The following SS18 variants were observed in gnomAD, a reference collection of about 807,000 sequenced individuals.
SS18 encodes protein SSXT.
SS18 carries 28 observed loss-of-function variants against 72.5 expected under a neutral mutation model. The ratio of observed to expected loss-of-function variants is 0.39; its 90% CI spans 0.29 to 0.53. SS18 has a LOEUF of 0.53. Among genes scored for constraint, SS18 ranks in the 20% least tolerant of loss-of-function variants. The pLI is 0.76. For missense variants in SS18, 518 were observed against 535.3 expected (o/e 0.97, Z 0.32); for synonymous variants, 172 against 164.2 (o/e 1.05, Z -0.37).
intron 10 of SS18, among the ~76,000 whole-genome samples, chr18:26,025,175 A>G (rs1681371450): frequency 1.3e-5 from 2 of 152,168 alleles, no homozygotes; most frequent in African/African-American, 4.8e-5. Flanking sequence ...AAAGAAATAA[A>G]AAGTGAAACC....
In SS18 at chr18:26,016,646, C is replaced by T. The variant is rs1303544101; in HGVS notation, c.*1708G>A. 5.3e-6 allele frequency: 1 copy of T among 187,486 alleles called. No homozygotes were observed. Among genetic ancestry groups the T allele is most frequent in the African/African-American group, 2.3e-5 (1 of 42,708 alleles). The allele number at this position is 187,486 out of a possible 1,614,324, so 11.6% of individuals were successfully genotyped here. A position where few individuals can be genotyped will look rare whatever the true frequency, so the allele number is the denominator to read the frequency against. On this transcript the variant is annotated 3_prime_UTR_variant, in exon 11 of 11. Transcript: ENST00000415083. ...GCTGAGGCAGGAGAACTGCTTGAAC[C>T]TGGGAGGCGGAGGTTGCAGTGAGCT...
intron 10 of SS18, among the ~76,000 whole-genome samples, chr18:26,023,423 C>G (rs114113011): frequency 6.6e-6 from 1 of 152,034 alleles, no homozygotes; most frequent in African/African-American, 2.4e-5. Flanking sequence ...CATCAAATTG[C>G]TCAAAACAAT....
At chr18:26,090,444 G>C (rs2054702887) in intron 1 of SS18, 57 bp downstream of exon 1, 1 of 1,514,324 alleles carries the variant, frequency 6.6e-7, no homozygotes, top group Admixed American at 2.0e-5. Context: ...TTCCCCCCGC[G>C]TCTGTCTCTC....
chr18:26,069,236 G>A (rs2054271285), intron 3 of SS18, among the ~76,000 whole-genome samples: 1 of 151,940 alleles, frequency 6.6e-6, no homozygotes, highest in Non-Finnish European at 1.5e-5. Context: ...TGGACACCAT[G>A]AACTGTTTTA....
chr18:26,088,110 A>C (rs1467130782), intron 1 of SS18, among the ~76,000 whole-genome samples: 4 of 152,210 alleles, frequency 2.6e-5, no homozygotes, highest in Non-Finnish European at 5.9e-5. Context: ...TATCGTGTTT[A>C]ATCAATAATG....
intron 5 of SS18, among the ~76,000 whole-genome samples, chr18:26,044,044 T>G (rs2053776179): frequency 1.3e-5 from 2 of 152,194 alleles, no homozygotes; most frequent in Non-Finnish European, 2.9e-5. Context: ...GTTTTGTCCC[T>G]CAGGGGACAC....
intron 5 of SS18, among the ~76,000 whole-genome samples, chr18:26,052,287 TTAA>T (rs1188764637): frequency 1.3e-5 from 2 of 152,226 alleles, no homozygotes; most frequent in Admixed American, 6.5e-5. Context: ...TAATACATCC[TTAA>T]TAAGTAAAAT....
intron 3 of SS18, among the ~76,000 whole-genome samples, chr18:26,060,770 C>CAAAAAAAAAA: frequency 1.7e-4 from 1 of 5,734 alleles, no homozygotes; most frequent in Non-Finnish European, 6.3e-4. Context: ...ACTAAAAATA[C>CAAAAAAAAAA]CAAAAAAAAA....
At position 26,070,728 on chromosome 18, in the gene SS18, G is replaced by GA. The variant is rs559807901; in HGVS notation, c.231+7347dup. Among the ~76,000 whole-genome samples, 371 of 152,198 alleles carry GA rather than the reference G, an allele frequency of 2.4e-3. 3 individuals are homozygous for GA. The highest frequency in any genetic ancestry group is 8.2e-3 in the African/African-American group (342 of 41,544). ...TAATTCTTCTCTTGAGATGACATGG[G>GA]AAAAAACTGAAAGTTAAACTTATAT... is the stretch of plus-strand genomic sequence containing the variant. On this transcript the variant is annotated intron_variant, in intron 3 of 10. Coordinates refer to ENST00000415083, the MANE Select transcript of SS18 (RefSeq NM_001007559.3).
Position 26,052,842 on chromosome 18 carries a change from G to C in SS18, c.389C>G (p.Pro130Arg). Residue 130 changes from proline (P) to arginine (R), a missense_variant, in exon 5 of 11, where the codon CCT (proline) becomes CGT (arginine). Pro to Arg is a moderately radical substitution (Grantham distance 103, BLOSUM62 -2). Coordinates refer to ENST00000415083, the MANE Select transcript of SS18 (RefSeq NM_001007559.3). ...AGGTCCCTGCATAGGCATATGGTTA[G>C]GCCCTTTGAAGAAAAATGATCAGAA... ...QNQMNGQMPG[P>R]NHMPMQGPGP... The C allele has an allele frequency of 6.2e-7, 1 of 1,611,136 alleles. No individual in the cohort carries two copies. The highest frequency in any genetic ancestry group is 8.5e-7 in the Non-Finnish European group (1 of 1,177,518).
At chr18:26,067,977 C>T (rs1044202342) in intron 3 of SS18, among the ~76,000 whole-genome samples, 2 of 152,132 alleles carry the variant, frequency 1.3e-5, no homozygotes, top group Non-Finnish European at 2.9e-5. Context: ...AGATCCCTTG[C>T]ATGCACAGTT....
chr18:26,057,980 T>A (rs2054053685), intron 3 of SS18, among the ~76,000 whole-genome samples: 1 of 152,200 alleles, frequency 6.6e-6, no homozygotes, highest in Admixed American at 6.5e-5. Flanking sequence ...ATACAAAAAA[T>A]TCTCATTTAT....
At chr18:26,055,755 T>TTTTTTTTTTTGTTTG in intron 4 of SS18, among the ~76,000 whole-genome samples, 1 of 148,498 alleles carries the variant, frequency 6.7e-6, no homozygotes, top group South Asian at 2.1e-4. Context: ...CTTTCTGTTT[T>TTTTTTTTTTTGTTTG]TTTTTTTTTT....
rs529640366 is a variant in SS18 at position 26,039,650 on chromosome 18, T to G, written c.608-194A>C. On this transcript the variant is annotated intron_variant, in intron 5 of 10. Coordinates refer to ENST00000415083, the MANE Select transcript of SS18 (RefSeq NM_001007559.3). ...AAAATAATGTGCAAACAAAAGAAAA[T>G]AACCAATCCATGGTGGTTAACTTGA... is the stretch of plus-strand genomic sequence containing the variant. Among the ~76,000 whole-genome samples, 6 of 152,174 alleles carry G rather than the reference T, an allele frequency of 3.9e-5. No individual in the cohort carries two copies. The East Asian group carries it at 9.6e-4, about 24-fold the overall frequency.
intron 3 of SS18, among the ~76,000 whole-genome samples, chr18:26,058,819 T>G (rs2054070218): frequency 6.6e-6 from 1 of 152,256 alleles, no homozygotes; most frequent in Non-Finnish European, 1.5e-5. Flanking sequence ...TATTTTCTCT[T>G]AAATTCTCAT....
chr18:26,066,936 A>G (rs113918544), intron 3 of SS18, among the ~76,000 whole-genome samples: 2,453 of 152,304 alleles, frequency 0.016, 50 homozygotes, highest in African/African-American at 0.055. Context: ...AATACAAAGT[A>G]TTTCTAAAAC....
At position 26,057,523 on chromosome 18, in the gene SS18, G is replaced by A; in HGVS notation, c.385+66C>T. ...TGTCATCAACAATCTAGTATCCCTT[G>A]AGCCCCCATGTCGTTTCAGTTGCTA... is the stretch of plus-strand genomic sequence containing the variant. On this transcript the variant is annotated intron_variant, in intron 4 of 10. Transcript: ENST00000415083. 3 of 1,586,530 alleles carry A rather than the reference G, an allele frequency of 1.9e-6. No individual in the cohort carries two copies. In the African/African-American group the frequency reaches 4.0e-5, roughly 21 times the overall value.
chr18:26,023,345 GTCTGAGATAACAC>G (rs1216422583), intron 10 of SS18, among the ~76,000 whole-genome samples: 4 of 152,098 alleles, frequency 2.6e-5, no homozygotes, highest in Non-Finnish European at 4.4e-5. Context: ...AAATGACAAA[GTCTGAGATAACAC>G]TCAACAAACT....
At chr18:26,057,802 G>A (rs368917852) in intron 3 of SS18, 60 bp from the exon 4 acceptor site, 39 of 1,450,954 alleles carry the variant, frequency 2.7e-5, no homozygotes, top group African/African-American at 2.3e-4. Context: ...AGATGCATAG[G>A]GTAAAAGAGT....
Sources: allele counts gnomAD v4.1 joint callset (sites outside exome capture counted in the v4.1 genomes callset), GRCh38; gene constraint gnomAD v4.1.1; transcripts MANE v1.5; gene names NCBI Gene and HGNC (gene_info 2026-07-23, HGNC 2026-07-21).